The following KYNU variants were observed in gnomAD, a reference collection of about 807,000 sequenced individuals.
KYNU encodes the protein L-kynurenine hydrolase.
KYNU carries 54 observed loss-of-function variants against 59.2 expected under a neutral mutation model. That is an observed-to-expected ratio of 0.91 (90% confidence interval 0.73 to 1.14). The LOEUF (loss-of-function observed/expected upper bound fraction) is 1.14, where lower values mean the gene tolerates loss of function less well. Ranked by LOEUF, KYNU falls within the 50% of genes most tolerant of loss-of-function variation. The pLI, the probability that KYNU is intolerant of heterozygous loss-of-function variation, is 0.00. For missense variants in KYNU, 567 were observed against 554.4 expected (o/e 1.02, Z -0.23); for synonymous variants, 177 against 192.0 (o/e 0.92, Z 0.65).
intron 4 of KYNU, among the ~76,000 whole-genome samples, chr2:142,943,292 T>C (rs1306400170): frequency 6.6e-6 from 1 of 152,172 alleles, no homozygotes. Context: ...TGGGTCGTGA[T>C]TGAGTCTTCC....
chr2:142,898,876 A>G (rs1681975307), intron 2 of KYNU, among the ~76,000 whole-genome samples: 1 of 152,204 alleles, frequency 6.6e-6, no homozygotes, highest in African/African-American at 2.4e-5. Context: ...CCCAGCGACT[A>G]GTGTTCAGCT....
rs1454154444 is a variant in KYNU at position 142,956,205 on chromosome 2, A to G, written c.438A>G (p.Leu146=). 1.9e-6 allele frequency: 3 copies of G among 1,564,176 alleles called. No homozygotes were observed. Among genetic ancestry groups the G allele is most frequent in the Admixed American group, 3.3e-5 (2 of 59,770 alleles). The stretch of plus-strand genomic sequence containing the variant: ...TCAATAAATCCATTTTATTGCAGTT[A>G]TCATTTTTTAAGCCTACGCCAAAAC... ...ALTVNLHLLM[L]SFFKPTPKRY... is the part of the protein sequence containing the mutation. The change falls in exon 6 of 14, where the codon TTA becomes TTG. Residue 146 remains leucine, a splice_region_variant and synonymous_variant. Coordinates refer to ENST00000264170, the MANE Select transcript of KYNU (RefSeq NM_003937.3).
chr2:142,920,897 C>G (rs891706701), intron 3 of KYNU, among the ~76,000 whole-genome samples: 2 of 152,084 alleles, frequency 1.3e-5, no homozygotes, highest in African/African-American at 4.8e-5. Flanking sequence ...GTTTTTGATC[C>G]CAAAAGTGTT....
chr2:143,018,380 C>A (rs942466263), intron 10 of KYNU, among the ~76,000 whole-genome samples: 2 of 152,178 alleles, frequency 1.3e-5, no homozygotes, highest in Non-Finnish European at 2.9e-5. Flanking sequence ...TATCCCAACA[C>A]CATTTATTGA....
chr2:142,884,931 T>C (rs1681448311), intron 1 of KYNU, among the ~76,000 whole-genome samples: 6 of 148,924 alleles, frequency 4.0e-5, no homozygotes. Flanking sequence ...GCATGAGTTT[T>C]TCTCATATAT....
At chr2:142,891,093 T>A (rs1481439535) in intron 2 of KYNU, among the ~76,000 whole-genome samples, 7 of 152,208 alleles carry the variant, frequency 4.6e-5, no homozygotes, top group Non-Finnish European at 8.8e-5. Context: ...CCAAATATTG[T>A]GACTGCTAGC....
rs148224851 is a variant in KYNU at position 142,962,571 on chromosome 2, A to G, written c.729+1801A>G. The stretch of plus-strand genomic sequence containing the variant: ...GTAAATCTCATACTTAAGTACTTTG[A>G]TTGCTAAAGCCATTTGTTAAATGTT... On this transcript the variant is annotated intron_variant, in intron 8 of 13. Transcript: ENST00000264170. Among the ~76,000 whole-genome samples the G allele has an allele frequency of 5.3e-5, 8 of 152,304 alleles. No homozygotes were observed. In the East Asian group the frequency reaches 1.5e-3, roughly 29 times the overall value.
intron 4 of KYNU, among the ~76,000 whole-genome samples, chr2:142,941,751 A>G (rs902714171): frequency 3.9e-5 from 6 of 152,210 alleles, no homozygotes; most frequent in African/African-American, 1.4e-4. Context: ...CATTGGATCC[A>G]TCTTTATCGA....
At chr2:142,954,749 GT>G in intron 4 of KYNU, 60 bp from the exon 5 acceptor site, 1 of 1,085,020 alleles carries the variant, frequency 9.2e-7, no homozygotes, top group Non-Finnish European at 1.4e-6. Context: ...TTCCTACTTT[GT>G]TTTTTCAGTA....
rs185415570 is a variant in KYNU, at chr2:142,899,759, A to C, written c.169+14223A>C. ...GATTCTGGAAGACACAAACTTAACA[A>C]GGAGGTTAAAGATACAGGGATTGAA... On this transcript the variant is annotated intron_variant, in intron 2 of 13. Transcript: ENST00000264170. 1.1e-3 allele frequency among the ~76,000 whole-genome samples: 162 copies of C among 152,364 alleles called. 1 individual carries two copies. Among genetic ancestry groups the C allele is most frequent in the Non-Finnish European group, 2.6e-4 (18 of 68,036 alleles).
chr2:143,022,111 G>A (rs1443902572), intron 10 of KYNU, among the ~76,000 whole-genome samples: 2 of 152,048 alleles, frequency 1.3e-5, no homozygotes, highest in African/African-American at 4.8e-5. Context: ...TTTTATATCT[G>A]CCAAATCTTG....
At chr2:142,977,372 G>GAGTTATATATATATATATATAT (rs1553484697) in intron 8 of KYNU, among the ~76,000 whole-genome samples, 14 of 131,150 alleles carry the variant, frequency 1.1e-4, no homozygotes, top group African/African-American at 4.1e-4. Context: ...ATTTTGTGTG[G>GAGTTATATATATATATATATAT]ATATATATAT....
intron 10 of KYNU, among the ~76,000 whole-genome samples, chr2:143,026,758 C>T (rs424960): frequency 0.29 from 36,389 of 127,388 alleles, 5,344 homozygotes; most frequent in African/African-American, 0.46. Flanking sequence ...CCGCAGTCCG[C>T]AGTCCGCATT....
intron 13 of KYNU, among the ~76,000 whole-genome samples, chr2:143,041,130 A>G (rs1687030547): frequency 2.0e-5 from 3 of 152,076 alleles, no homozygotes; most frequent in Non-Finnish European, 2.9e-5. Flanking sequence ...TACACTTCTC[A>G]GGAGTGGTAA....
At chr2:142,890,740 T>C (rs1177958327) in intron 2 of KYNU, among the ~76,000 whole-genome samples, 2 of 152,136 alleles carry the variant, frequency 1.3e-5, no homozygotes, top group African/African-American at 4.8e-5. Flanking sequence ...AGCCTACCAA[T>C]GTGCTGGGAT....
chr2:142,947,744 G>C (rs1333113941), intron 4 of KYNU: 1 of 153,756 alleles, frequency 6.5e-6, no homozygotes, highest in Non-Finnish European at 1.4e-5. Context: ...TGATAATGCT[G>C]TGTGCTATAA....
At position 143,050,492 on chromosome 2, in the gene KYNU, G is replaced by C. The variant is rs746464312; in HGVS notation, c.*8320G>C. 4 of 152,074 alleles carry C rather than the reference G, an allele frequency of 2.6e-5. No individual in the cohort carries two copies. Among genetic ancestry groups the C allele is most frequent in the Admixed American group, 6.6e-5 (1 of 15,254 alleles). The allele number at this position is 152,074 out of a possible 1,614,324, so 9.4% of individuals were successfully genotyped here. On this transcript the variant is annotated 3_prime_UTR_variant, in exon 14 of 14. Coordinates refer to ENST00000264170, the MANE Select transcript of KYNU (RefSeq NM_003937.3). Reference sequence around the variant, plus strand: ...ACATGATCTCATTCCTCAATACTATGGCTACGTAGTATTCCATGGTGTATA... The same window carrying C: ...ACATGATCTCATTCCTCAATACTATCGCTACGTAGTATTCCATGGTGTATA...
rs117845647 is a variant in KYNU, at chr2:143,040,052, A to G, written c.1042-376A>G. Among the ~76,000 whole-genome samples, 480 of 152,222 alleles carry G rather than the reference A, an allele frequency of 3.2e-3. 18 individuals are homozygous for G. In the East Asian group the frequency reaches 0.078, roughly 25 times the overall value. Reference sequence around the variant, plus strand: ...GGCTTTTGTTCATCCCAGCCTTTGTATAAGGGCACTGACTTTTTTAGTTTT... The same window carrying G: ...GGCTTTTGTTCATCCCAGCCTTTGTGTAAGGGCACTGACTTTTTTAGTTTT... On this transcript the variant is annotated intron_variant, in intron 12 of 13. Transcript: ENST00000264170.
chr2:142,914,743 A>G (rs10210451), intron 2 of KYNU, among the ~76,000 whole-genome samples: 4,269 of 152,288 alleles, frequency 0.028, 123 homozygotes, highest in East Asian at 0.072. Flanking sequence ...AACATGAGCT[A>G]TGTCCGTATA....
Sources: allele counts gnomAD v4.1 joint callset (sites outside exome capture counted in the v4.1 genomes callset), GRCh38; gene constraint gnomAD v4.1.1; transcripts MANE v1.5; gene names NCBI Gene and HGNC (gene_info 2026-07-23, HGNC 2026-07-21).